The following PCLO variants were observed in gnomAD, a reference collection of about 807,000 sequenced individuals.
The protein encoded by PCLO is piccolo presynaptic cytomatrix protein.
A neutral mutation model predicts 427.5 loss-of-function variants in PCLO; 82 were observed. That is an observed-to-expected ratio of 0.19 (90% CI 0.16 to 0.23). The LOEUF is 0.23. Among genes scored for constraint, PCLO ranks in the 10% least tolerant of loss-of-function variants. The pLI, the probability that PCLO is intolerant of heterozygous loss-of-function variation, is 1.00. For synonymous variants in PCLO, 2,357 were observed against 2,155.4 expected, an observed-to-expected ratio of 1.09 and a Z score of -2.59; for missense variants, 6,239 against 6,115.9, an observed-to-expected ratio of 1.02 and a Z score of -0.67.
chr7:83,092,192 A>C (rs922888148), intron 3 of PCLO, among the ~76,000 whole-genome samples: 1 of 152,178 alleles, frequency 6.6e-6, no homozygotes, highest in Non-Finnish European at 1.5e-5. Flanking sequence ...ATGATTTGTA[A>C]GTCACCCTGC....
intron 8 of PCLO, among the ~76,000 whole-genome samples, chr7:82,903,391 C>G (rs1380086721): frequency 6.6e-6 from 1 of 151,910 alleles, no homozygotes; most frequent in Non-Finnish European, 1.5e-5. Context: ...AGTGTTATGT[C>G]TCCTAGACAT....
rs1790273435 is a variant in PCLO at position 82,754,286 on chromosome 7, T to C, written c.*4289A>G. On this transcript the variant is annotated 3_prime_UTR_variant, in exon 25 of 25. Transcript: ENST00000333891. Reference sequence around the variant, plus strand: ...AAAACAAACAAACAAAAAAACACATTAGCAAATCACCAACATGGCATGCAA... The same window carrying C: ...AAAACAAACAAACAAAAAAACACATCAGCAAATCACCAACATGGCATGCAA... 6.6e-6 allele frequency: 1 copy of C among 152,120 alleles called. No individual in the cohort carries two copies. The highest frequency in any genetic ancestry group is 2.4e-5 in the African/African-American group (1 of 41,456). 9.4% of individuals were successfully genotyped at this position (152,120 alleles called of 1,614,324 possible).
chr7:83,130,648 A>T (rs2116600127), intron 3 of PCLO, among the ~76,000 whole-genome samples: 1 of 152,312 alleles, frequency 6.6e-6, no homozygotes, highest in African/African-American at 2.4e-5. Context: ...AATGGCCATT[A>T]AAGTAAAAGG....
intron 13 of PCLO, among the ~76,000 whole-genome samples, chr7:82,844,034 A>G (rs1792436793): frequency 6.6e-6 from 1 of 152,112 alleles, no homozygotes; most frequent in African/African-American, 2.4e-5. Context: ...TTAATTAAAA[A>G]TAATTTAAAA....
chr7:82,844,748 T>C (rs762495261), intron 13 of PCLO, among the ~76,000 whole-genome samples: 3 of 152,248 alleles, frequency 2.0e-5, no homozygotes, highest in Non-Finnish European at 4.4e-5. Flanking sequence ...AACAATAGCA[T>C]TGGAAGCATT....
intron 3 of PCLO, among the ~76,000 whole-genome samples, chr7:83,100,059 A>C (rs1790698112): frequency 6.6e-6 from 1 of 152,184 alleles, no homozygotes; most frequent in South Asian, 2.1e-4. Context: ...AACACACACA[A>C]TATATTTATA....
chr7:83,056,842 G>A (rs990374178), intron 3 of PCLO, among the ~76,000 whole-genome samples: 1 of 151,898 alleles, frequency 6.6e-6, no homozygotes, highest in Non-Finnish European at 1.5e-5. Flanking sequence ...CTAGACTACA[G>A]GGCCTTCTTC....
chr7:82,951,941 A>G lies in PCLO; in HGVS notation c.9012T>C (p.His3004=). The G allele has an allele frequency of 6.2e-7, 1 of 1,613,912 alleles. No homozygotes were observed. Among genetic ancestry groups the G allele is most frequent in the Non-Finnish European group, 8.5e-7 (1 of 1,179,840 alleles). The part of the protein sequence containing the change: ...MSDTNLAEAG[H]FFYKSKNAFD... ...AAGCATTCTTACTTTTATAGAAAAAATGTCCAGCTTCTGCTAAATTTGTGT... is the reference window on the plus strand; with the variant it reads ...AAGCATTCTTACTTTTATAGAAAAAGTGTCCAGCTTCTGCTAAATTTGTGT... The change falls in exon 5 of 25, where the codon CAT becomes CAC. Residue 3004 remains histidine, a synonymous_variant. Coordinates refer to ENST00000333891, the MANE Select transcript of PCLO (RefSeq NM_033026.6).
At chr7:82,874,666 T>C (rs1052959934) in intron 10 of PCLO, among the ~76,000 whole-genome samples, 2 of 152,208 alleles carry the variant, frequency 1.3e-5, no homozygotes, top group Admixed American at 1.3e-4. Flanking sequence ...GAAGCATTTA[T>C]TGTTTTAAGT....
At chr7:82,816,292 T>C (rs1237937319) in intron 20 of PCLO, among the ~76,000 whole-genome samples, 2 of 152,094 alleles carry the variant, frequency 1.3e-5, no homozygotes, top group Non-Finnish European at 2.9e-5. Context: ...AAATCAACAA[T>C]TAGTGTCTTT....
intron 1 of PCLO, among the ~76,000 whole-genome samples, chr7:83,161,549 T>C (rs1268820228): frequency 1.3e-5 from 2 of 152,236 alleles, no homozygotes; most frequent in Non-Finnish European, 2.9e-5. Flanking sequence ...ATATTACTGA[T>C]TAGCTCTTAT....
chr7:82,908,744 T>C, intron 8 of PCLO, 133 bp downstream of exon 8: 1 of 778,140 alleles, frequency 1.3e-6, no homozygotes, highest in Admixed American at 2.7e-5. Flanking sequence ...TACTCCTTTA[T>C]GTTATTGGAA....
intron 3 of PCLO, among the ~76,000 whole-genome samples, chr7:83,088,758 A>C (rs1443691993): frequency 6.6e-6 from 1 of 151,922 alleles, no homozygotes; most frequent in East Asian, 1.9e-4. Flanking sequence ...TCTCATTTTC[A>C]CCTTCACTGA....
Position 82,845,278 on chromosome 7 carries a change from C to G in PCLO, c.14039G>C (p.Ser4680Thr), listed in dbSNP as rs758696589. 6.2e-7 allele frequency: 1 copy of G among 1,612,738 alleles called. No homozygotes were observed. Among genetic ancestry groups the G allele is most frequent in the South Asian group, 1.1e-5 (1 of 91,034 alleles). ...CACATCAACAATCCTCACCTTGCTG[C>G]TGCCGTGCTTCTTTTTGCTCACTGA... ...SPSVSKKKHG[S>T]SKPTDGTKVV... Residue 4680 changes from serine (S) to threonine (T), a missense_variant, in exon 13 of 25, where the codon AGC becomes ACC. Coordinates refer to ENST00000333891, the MANE Select transcript of PCLO (RefSeq NM_033026.6).
chr7:82,940,697 T>C (rs1305692666), intron 6 of PCLO, among the ~76,000 whole-genome samples: 1 of 151,648 alleles, frequency 6.6e-6, no homozygotes, highest in Non-Finnish European at 1.5e-5. Flanking sequence ...CTTTTTTTTT[T>C]AGCCAAAAAT....
chr7:82,839,937 C>T (rs1042566503), intron 14 of PCLO, among the ~76,000 whole-genome samples: 8 of 151,732 alleles, frequency 5.3e-5, no homozygotes, highest in African/African-American at 9.7e-5. Flanking sequence ...CACTGCCTTA[C>T]GAAAATATCC....
intron 3 of PCLO, among the ~76,000 whole-genome samples, chr7:83,046,810 G>C (rs547452679): frequency 6.6e-6 from 1 of 152,026 alleles, no homozygotes; most frequent in African/African-American, 2.4e-5. Flanking sequence ...AGAGCCGTGG[G>C]TACTTTTGGC....
At chr7:83,153,859 AG>A (rs774576939) in intron 2 of PCLO, among the ~76,000 whole-genome samples, 2 of 151,850 alleles carry the variant, frequency 1.3e-5, no homozygotes, top group Non-Finnish European at 2.9e-5. Flanking sequence ...AGAATTTCTG[AG>A]TTTTTAAAAA....
At position 82,953,077 on chromosome 7, in the gene PCLO, C is replaced by A. The variant is rs768753486; in HGVS notation, c.7876G>T (p.Val2626Leu). The change falls in exon 5 of 25, where the codon GTG (valine) becomes TTG (leucine). Residue 2626 changes from valine to leucine, a missense_variant. Around this residue, in one of 5 missense-constraint regions of PCLO, gnomAD observed 4,677 missense variants for 4,468.4 expected, o/e 1.05. Coordinates refer to ENST00000333891, the MANE Select transcript of PCLO (RefSeq NM_033026.6). Reference protein sequence around the residue: ...VEPVFSVVPPVTAVEIPISSE... With the variant: ...VEPVFSVVPPLTAVEIPISSE... ...GAAATTGGAATTTCTACAGCTGTCACAGGAGGAACTACAGAAAACACAGGT... is the reference window on the plus strand; with the variant it reads ...GAAATTGGAATTTCTACAGCTGTCAAAGGAGGAACTACAGAAAACACAGGT... 1 of 1,613,932 alleles carries A rather than the reference C, an allele frequency of 6.2e-7. No individual in the cohort carries two copies. Among genetic ancestry groups the A allele is most frequent in the African/African-American group, 1.3e-5 (1 of 75,030 alleles).
Sources: allele counts gnomAD v4.1 joint callset (sites outside exome capture counted in the v4.1 genomes callset), GRCh38; gene constraint gnomAD v4.1.1; regional missense constraint gnomAD v4.1.1; transcripts MANE v1.5; gene names NCBI Gene and HGNC (gene_info 2026-07-23, HGNC 2026-07-21).